Variants in PHKG2 observed in about 807,000 individuals in gnomAD.
PHKG2 encodes phosphorylase kinase catalytic subunit gamma 2, also known as phosphorylase b kinase gamma catalytic chain, liver/testis isoform.
A neutral mutation model predicts 44.5 loss-of-function variants in PHKG2; 28 were observed. The ratio of observed to expected loss-of-function variants is 0.63; its 90% CI spans 0.47 to 0.86. The LOEUF (loss-of-function observed/expected upper bound fraction) is 0.86, where lower values mean the gene tolerates loss of function less well. Among genes scored for constraint, PHKG2 ranks in the 40% least tolerant of loss-of-function variants. The pLI is 0.00. For synonymous variants in PHKG2, 220 were observed against 211.2 expected (o/e 1.04, Z -0.36); for missense variants, 498 against 547.5 (o/e 0.91, Z 0.90).
chr16:30,757,391 G>C lies in PHKG2; in HGVS notation c.*294G>C. The C allele has an allele frequency of 6.5e-7, 1 of 1,547,452 alleles. No individual in the cohort carries two copies. The highest frequency in any genetic ancestry group is 8.7e-7 in the Non-Finnish European group (1 of 1,147,228). On this transcript the variant is annotated 3_prime_UTR_variant, in exon 10 of 10. Coordinates refer to ENST00000563588, the MANE Select transcript of PHKG2 (RefSeq NM_000294.3). ...CAGGTGTCCTGTGTCTGTCTGGCTT[G>C]GGCAGGAAAGCCCAGAAGGTGCTCA...
chr16:30,748,585 T>C lies in PHKG2; in HGVS notation c.-19+95T>C, dbSNP rs1031902101. On this transcript the variant is annotated intron_variant, in intron 1 of 9. Transcript: ENST00000563588. Reference sequence around the variant, plus strand: ...TGCCCTTGCGCCCCTTCCCCCTGCCTCCTGGGCACATCTCCCCACTCCCCT... The same window carrying C: ...TGCCCTTGCGCCCCTTCCCCCTGCCCCCTGGGCACATCTCCCCACTCCCCT... 118 of 531,882 alleles carry C rather than the reference T, an allele frequency of 2.2e-4. 1 individual carries two copies. The highest frequency in any genetic ancestry group is 1.9e-3 in the African/African-American group (94 of 49,684). 32.9% of individuals were successfully genotyped at this position (531,882 alleles called of 1,614,324 possible). A position where few individuals can be genotyped will look rare whatever the true frequency, so the allele number is the denominator to read the frequency against.
At position 30,757,458 on chromosome 16, in the gene PHKG2, T is replaced by G. The variant is rs781672472; in HGVS notation, c.*361T>G. On this transcript the variant is annotated 3_prime_UTR_variant, in exon 10 of 10. Transcript: ENST00000563588. ...GTGCCATTCTGGCCCAGACCTTTAT[T>G]GGGGAAAATGTTGGGGGTCACTTGG... The G allele has an allele frequency of 2.5e-5, 41 of 1,608,190 alleles. No homozygotes were observed. The highest frequency in any genetic ancestry group is 3.5e-5 in the Non-Finnish European group (41 of 1,176,242).
Position 30,751,582 on chromosome 16 carries a change from T to C in PHKG2, c.305T>C (p.Phe102Ser). ...ATCGATTCCTACGAGTCTTCTAGCTTCATGTTCCTGGTGTTTGACCTGTGA... is the reference window on the plus strand; with the variant it reads ...ATCGATTCCTACGAGTCTTCTAGCTCCATGTTCCTGGTGTTTGACCTGTGA... The part of the protein sequence containing the change: ...TLIDSYESSS[F>S]MFLVFDLMRK... The change falls in exon 4 of 10, where the codon TTC (phenylalanine) becomes TCC (serine). Residue 102 changes from phenylalanine to serine, a missense_variant. Physicochemically the swap from Phe to Ser is radical, Grantham distance 155 (BLOSUM62 -2). Transcript: ENST00000563588. The C allele has an allele frequency of 1.2e-6, 2 of 1,613,924 alleles. No individual in the cohort carries two copies. The highest frequency in any genetic ancestry group is 1.7e-6 in the Non-Finnish European group (2 of 1,179,790).
In PHKG2 at chr16:30,760,627, G is replaced by A. The variant is rs774418752; in HGVS notation, c.*3530G>A. The A allele has an allele frequency of 5.8e-6, 9 of 1,556,872 alleles. No individual in the cohort carries two copies. The South Asian group carries it at 7.1e-5, about 12-fold the overall frequency. On this transcript the variant is annotated 3_prime_UTR_variant, in exon 10 of 10. Coordinates refer to ENST00000563588, the MANE Select transcript of PHKG2 (RefSeq NM_000294.3). ...CTACTCCCTCATCTCAGCATTGGTGGTCTTCTCCAGCTGGTGCATGGAATG... is the reference window on the plus strand; with the variant it reads ...CTACTCCCTCATCTCAGCATTGGTGATCTTCTCCAGCTGGTGCATGGAATG...
At position 30,761,136 on chromosome 16, in the gene PHKG2, A is replaced by T; in HGVS notation, c.*4039A>T. 1.3e-6 allele frequency: 2 copies of T among 1,572,094 alleles called. No individual in the cohort carries two copies. The highest frequency in any genetic ancestry group is 8.7e-7 in the Non-Finnish European group (1 of 1,146,454). The stretch of plus-strand genomic sequence containing the variant: ...TGGGGATGCCCTGGCCACAGACAGG[A>T]CTGTTGGGGAGACAATAAAGAACGC... On this transcript the variant is annotated 3_prime_UTR_variant, in exon 10 of 10. Transcript: ENST00000563588.
Position 30,759,404 on chromosome 16 carries a change from C to G in PHKG2, c.*2307C>G. On this transcript the variant is annotated 3_prime_UTR_variant, in exon 10 of 10. Coordinates refer to ENST00000563588, the MANE Select transcript of PHKG2 (RefSeq NM_000294.3). Reference sequence around the variant, plus strand: ...CGGAAGTAAGTGTTGACCACGTAGTCTTCCAAGGCCAGCAGCTGTTCCTCT... The same window carrying G: ...CGGAAGTAAGTGTTGACCACGTAGTGTTCCAAGGCCAGCAGCTGTTCCTCT... 6.2e-7 allele frequency: 1 copy of G among 1,614,234 alleles called. No individual in the cohort carries two copies. Among genetic ancestry groups the G allele is most frequent in the Non-Finnish European group, 8.5e-7 (1 of 1,180,032 alleles).
intron 2 of PHKG2, among the ~76,000 whole-genome samples, chr16:30,749,171 GC>G: frequency 6.8e-6 from 1 of 147,288 alleles, no homozygotes; most frequent in Non-Finnish European, 1.5e-5. Flanking sequence ...TGGTGGTGGT[GC>G]TGGTGGTGGT....
chr16:30,749,504 C>T (rs896166393), intron 2 of PHKG2, among the ~76,000 whole-genome samples: 20 of 152,026 alleles, frequency 1.3e-4, no homozygotes, highest in African/African-American at 4.6e-4. Context: ...CGCGCCACCA[C>T]GCCGGCTAAT....
chr16:30,755,614 T>G (rs1272740683), intron 6 of PHKG2, among the ~76,000 whole-genome samples: 2 of 151,870 alleles, frequency 1.3e-5, no homozygotes, highest in Non-Finnish European at 2.9e-5. Context: ...AGGCGGAGGT[T>G]ACATTGAGCC....
In PHKG2 at chr16:30,748,833, G is replaced by A. The variant is rs1166994744; in HGVS notation, c.13G>A (p.Val5Met). 5 of 1,552,140 alleles carry A rather than the reference G, an allele frequency of 3.2e-6. No homozygotes were observed. In the South Asian group the frequency reaches 3.6e-5, roughly 11 times the overall value. MTLD[V>M]GPEDELPDWA... Reference sequence around the variant, plus strand: ...CGCCTCCTTCAGGATGACGCTGGACGTGGGGCCGGAGGATGAGCTGCCCGA... The same window carrying A: ...CGCCTCCTTCAGGATGACGCTGGACATGGGGCCGGAGGATGAGCTGCCCGA... Residue 5 changes from valine (V) to methionine (M), a missense_variant, in exon 2 of 10, where the codon GTG becomes ATG. Coordinates refer to ENST00000563588, the MANE Select transcript of PHKG2 (RefSeq NM_000294.3).
At position 30,759,378 on chromosome 16, in the gene PHKG2, G is replaced by T. The variant is rs1248865691; in HGVS notation, c.*2281G>T. The T allele has an allele frequency of 3.7e-6, 6 of 1,614,230 alleles. No individual in the cohort carries two copies. In the Admixed American group the frequency reaches 5.0e-5, roughly 13 times the overall value. On this transcript the variant is annotated 3_prime_UTR_variant, in exon 10 of 10. Transcript: ENST00000563588. ...AGACGTATTTATAGAGCTTGAAGTG[G>T]CGGAAGTAAGTGTTGACCACGTAGT...
rs535481026 is a variant in PHKG2 at position 30,755,797 on chromosome 16, G to A, written c.557-385G>A. Among the ~76,000 whole-genome samples, 33 of 152,070 alleles carry A rather than the reference G, an allele frequency of 2.2e-4. No homozygotes were observed. In the South Asian group the frequency reaches 4.1e-3, roughly 19 times the overall value. Reference sequence around the variant, plus strand: ...AGGAATGCAGAAAATTTTTTTTTGCGTATGTATTATGATGTATGTAAAAAT... The same window carrying A: ...AGGAATGCAGAAAATTTTTTTTTGCATATGTATTATGATGTATGTAAAAAT... On this transcript the variant is annotated intron_variant, in intron 6 of 9. Transcript: ENST00000563588.
Position 30,760,654 on chromosome 16 carries a change from A to T in PHKG2, c.*3557A>T, listed in dbSNP as rs1399126146. 5.2e-6 allele frequency: 8 copies of T among 1,551,988 alleles called. No homozygotes were observed. The highest frequency in any genetic ancestry group is 6.1e-6 in the Non-Finnish European group (7 of 1,147,942). ...CTTCTCCAGCTGGTGCATGGAATGG[A>T]CGTCCAGGTACTTCCTGTTATAGTA... is the stretch of plus-strand genomic sequence containing the variant. On this transcript the variant is annotated 3_prime_UTR_variant, in exon 10 of 10. Coordinates refer to ENST00000563588, the MANE Select transcript of PHKG2 (RefSeq NM_000294.3).
At position 30,753,232 on chromosome 16, in the gene PHKG2, G is replaced by A; in HGVS notation, c.327G>A (p.Leu109=). 1 of 1,613,210 alleles carries A rather than the reference G, an allele frequency of 6.2e-7. No individual in the cohort carries two copies. The highest frequency in any genetic ancestry group is 8.5e-7 in the Non-Finnish European group (1 of 1,179,194). The part of the protein sequence containing the change: ...SSSFMFLVFD[L]MRKGELFDYL... ...CCTCCTATGCCCCTCCTTCCCTTAG[G>A]ATGCGGAAGGGAGAGCTGTTTGACT... The change falls in exon 5 of 10, where the codon CTG becomes CTA. Residue 109 remains leucine (L), a splice_region_variant and synonymous_variant. Transcript: ENST00000563588.
rs780448832 is a variant in PHKG2 at position 30,759,062 on chromosome 16, G to A, written c.*1965G>A. ...TGTCTCTAGTTCCTCTTTCTGCGGG[G>A]TAACTGCCTGCTCCTCCATCTCCTT... is the stretch of plus-strand genomic sequence containing the variant. On this transcript the variant is annotated 3_prime_UTR_variant, in exon 10 of 10. Transcript: ENST00000563588. 2.5e-6 allele frequency: 4 copies of A among 1,614,206 alleles called. No individual in the cohort carries two copies. Among genetic ancestry groups the A allele is most frequent in the Non-Finnish European group, 3.4e-6 (4 of 1,180,030 alleles).
At chr16:30,756,005 T>G (rs1375087625) in intron 6 of PHKG2, among the ~76,000 whole-genome samples, 177 bp from the exon 7 acceptor site, 2 of 152,124 alleles carry the variant, frequency 1.3e-5, no homozygotes, top group East Asian at 3.9e-4. Context: ...GGAGCCATGG[T>G]GAGCCAACTG....
chr16:30,753,333 G>C (rs775332699), intron 5 of PHKG2, 36 bp downstream of exon 5: 15 of 1,613,658 alleles, frequency 9.3e-6, no homozygotes, highest in African/African-American at 1.3e-5. Flanking sequence ...GGGTGAGCAG[G>C]GGGTGGGACA....
In PHKG2 at chr16:30,751,140, C is replaced by G; in HGVS notation, c.130C>G (p.Arg44Gly). The change falls in exon 3 of 10, where the codon CGA becomes GGA. Residue 44 changes from arginine to glycine, a missense_variant. Arg to Gly is a moderately radical substitution (Grantham distance 125). Transcript: ENST00000563588. Reference sequence around the variant, plus strand: ...CTCTGTGGTCCGCCGTTGTGTTCATCGAGCTACTGGCCACGAGTTTGCGGT... The same window carrying G: ...CTCTGTGGTCCGCCGTTGTGTTCATGGAGCTACTGGCCACGAGTTTGCGGT... ...VSSVVRRCVH[R>G]ATGHEFAVKI... 6.2e-7 allele frequency: 1 copy of G among 1,613,924 alleles called. No homozygotes were observed. Among genetic ancestry groups the G allele is most frequent in the Non-Finnish European group, 8.5e-7 (1 of 1,180,036 alleles).
Position 30,756,745 on chromosome 16 carries a change from C to T in PHKG2, c.927+30C>T, listed in dbSNP as rs373638943. Reference sequence around the variant, plus strand: ...GCCTGAGTGTATCAGGGTCTGGGCCCGTTTCTCTGTCCCATGATCTTTCCC... The same window carrying T: ...GCCTGAGTGTATCAGGGTCTGGGCCTGTTTCTCTGTCCCATGATCTTTCCC... On this transcript the variant is annotated intron_variant, in intron 9 of 9. Coordinates refer to ENST00000563588, the MANE Select transcript of PHKG2 (RefSeq NM_000294.3). 8.7e-5 allele frequency: 140 copies of T among 1,614,102 alleles called. No homozygotes were observed. In the African/African-American group the frequency reaches 1.6e-3, roughly 18 times the overall value.
Sources: allele counts gnomAD v4.1 joint callset (sites outside exome capture counted in the v4.1 genomes callset), GRCh38; gene constraint gnomAD v4.1.1; transcripts MANE v1.5; gene names NCBI Gene and HGNC (gene_info 2026-07-23, HGNC 2026-07-21).